Variants in PDE6A observed in about 807,000 individuals in gnomAD.
The protein encoded by PDE6A is rod cGMP-specific 3',5'-cyclic phosphodiesterase subunit alpha.
A neutral mutation model predicts 106.3 loss-of-function variants in PDE6A; 84 were observed. The ratio of observed to expected loss-of-function variants is 0.79; its 90% CI spans 0.66 to 0.95. PDE6A has a LOEUF of 0.95. Among genes scored for constraint, PDE6A ranks in the 40% least tolerant of loss-of-function variants. The pLI is 0.00. For synonymous variants in PDE6A, 394 were observed against 386.6 expected, an observed-to-expected ratio of 1.02 and a Z score of -0.23; for missense variants, 1,052 against 1,084.9, an observed-to-expected ratio of 0.97 and a Z score of 0.43.
rs560932756 is a variant in PDE6A at position 149,859,472 on chromosome 5, G to C, written c.*1423C>G. On this transcript the variant is annotated 3_prime_UTR_variant, in exon 22 of 22. Transcript: ENST00000255266. ...CAGTGCCCTGGGGACCGATGCTTGG[G>C]GAAGGGAAGGAAATAGGAGTGGGCA... is the stretch of plus-strand genomic sequence containing the variant. 1 of 152,418 alleles carries C rather than the reference G, an allele frequency of 6.6e-6. No individual in the cohort carries two copies. The highest frequency in any genetic ancestry group is 2.4e-5 in the African/African-American group (1 of 41,590). The allele number at this position is 152,418 out of a possible 1,614,324, so 9.4% of individuals were successfully genotyped here. A position where few individuals can be genotyped will look rare whatever the true frequency, so the allele number is the denominator to read the frequency against.
At chr5:149,915,031 A>AAT in intron 5 of PDE6A, 24 bp from the exon 6 acceptor site, 24 of 1,155,022 alleles carry the variant, frequency 2.1e-5, no homozygotes, top group Non-Finnish European at 2.7e-5. Flanking sequence ...GAAAAATTAT[A>AAT]CTTTTTTTTT....
chr5:149,941,351 G>A (rs1030462352), intron 1 of PDE6A, among the ~76,000 whole-genome samples: 1 of 152,196 alleles, frequency 6.6e-6, no homozygotes, highest in Admixed American at 6.5e-5. Context: ...TCTGAAGGAT[G>A]AGTAGGAGTT....
chr5:149,913,142 G>A (rs1197016052), intron 6 of PDE6A, among the ~76,000 whole-genome samples: 1 of 152,206 alleles, frequency 6.6e-6, no homozygotes, highest in Non-Finnish European at 1.5e-5. Context: ...AGCACTTTGG[G>A]AGGCCAAGGT....
At chr5:149,871,750 G>A (rs959323952) in intron 17 of PDE6A, among the ~76,000 whole-genome samples, 9 of 152,188 alleles carry the variant, frequency 5.9e-5, no homozygotes, top group South Asian at 4.1e-4. Flanking sequence ...GAAGGGTGAC[G>A]TGGCCACATT....
At chr5:149,929,889 T>C (rs112930857) in intron 4 of PDE6A, among the ~76,000 whole-genome samples, 6 of 152,322 alleles carry the variant, frequency 3.9e-5, no homozygotes, top group African/African-American at 1.4e-4. Flanking sequence ...CTATAATTAA[T>C]GTCCCTTTTC....
Position 149,932,959 on chromosome 5 carries a change from C to A in PDE6A, c.717+971G>T, listed in dbSNP as rs6892017. ...ACCGGCGGAGTGGCCAGCAGAGGGC[C>A]AGGGCAGAAGCGCAAAAGCTAAAGT... On this transcript the variant is annotated intron_variant, in intron 3 of 21. Transcript: ENST00000255266. Among the ~76,000 whole-genome samples the A allele has an allele frequency of 3.4e-4, 52 of 152,282 alleles. 1 individual carries two copies. The highest frequency in any genetic ancestry group is 1.2e-3 in the African/African-American group (51 of 41,568).
In PDE6A at chr5:149,895,262, C is replaced by T; in HGVS notation, c.1649G>A (p.Ser550Asn). 1.9e-6 allele frequency: 3 copies of T among 1,613,926 alleles called. No individual in the cohort carries two copies. The highest frequency in any genetic ancestry group is 2.5e-6 in the Non-Finnish European group (3 of 1,179,826). Residue 550 changes from serine to asparagine, a missense_variant, in exon 13 of 22, where the codon AGT becomes AAT. By Grantham distance (46) the Ser-to-Asn change is conservative. Around this residue, in one of 3 missense-constraint regions of PDE6A, gnomAD observed 913 missense variants for 915.2 expected, o/e 1.00. Transcript: ENST00000255266. ...EALVRFMYSLSKGYRKITYHN... is the reference protein window; with the variant it reads ...EALVRFMYSLNKGYRKITYHN... ...GTAGGTGATCTTGCGGTAGCCCTTA[C>T]TCAGGGAGTACATGAACCGCACCAG...
At chr5:149,880,411 T>C (rs1279387001) in intron 17 of PDE6A, among the ~76,000 whole-genome samples, 1 of 151,994 alleles carries the variant, frequency 6.6e-6, no homozygotes, top group Non-Finnish European at 1.5e-5. Context: ...AGAAAAACAT[T>C]AGGAAAAAAC....
rs1418990553 is a variant in PDE6A, at chr5:149,879,829, T to A, written c.2135+3600A>T. On this transcript the variant is annotated intron_variant, in intron 17 of 21. Coordinates refer to ENST00000255266, the MANE Select transcript of PDE6A (RefSeq NM_000440.3). Reference sequence around the variant, plus strand: ...TTTCCTTAATTCTTCCATGCTTTTTTCGTGCTCTCTTTTCTTTCCCTGGTT... The same window carrying A: ...TTTCCTTAATTCTTCCATGCTTTTTACGTGCTCTCTTTTCTTTCCCTGGTT... Among the ~76,000 whole-genome samples, 3 of 152,308 alleles carry A rather than the reference T, an allele frequency of 2.0e-5. No individual in the cohort carries two copies. The East Asian group carries it at 5.8e-4, about 29-fold the overall frequency.
chr5:149,878,161 A>G (rs1229139828), intron 17 of PDE6A, among the ~76,000 whole-genome samples: 1 of 152,218 alleles, frequency 6.6e-6, no homozygotes, highest in African/African-American at 2.4e-5. Context: ...TACAAAAGAA[A>G]ATGCTGATTC....
In PDE6A at chr5:149,886,306, A is replaced by G; in HGVS notation, c.1797T>C (p.His599=). 6.2e-7 allele frequency: 1 copy of G among 1,614,164 alleles called. No individual in the cohort carries two copies. The highest frequency in any genetic ancestry group is 8.5e-7 in the Non-Finnish European group (1 of 1,180,004). Residue 599 remains histidine, a synonymous_variant, in exon 14 of 22, where the codon CAT becomes CAC. Transcript: ENST00000255266. The part of the protein sequence containing the change: ...ALAMVTAAFC[H]DIDHRGTNNL... The stretch of plus-strand genomic sequence containing the variant: ...TATTGGTGCCTCTGTGGTCAATGTC[A>G]TGGCAGAAAGCAGCAGTGACCATGG...
chr5:149,873,831 C>A (rs1760641700), intron 17 of PDE6A, among the ~76,000 whole-genome samples: 1 of 151,958 alleles, frequency 6.6e-6, no homozygotes, highest in South Asian at 2.1e-4. Context: ...GGAAGTCACA[C>A]CCTCACTCTA....
intron 3 of PDE6A, 59 bp downstream of exon 3, chr5:149,933,871 A>G: frequency 8.0e-7 from 1 of 1,251,784 alleles, no homozygotes; most frequent in Non-Finnish European, 1.2e-6. Context: ...AGTCCTGACC[A>G]CATCAATGCT....
At chr5:149,896,566 T>C in intron 11 of PDE6A, 64 bp from the exon 12 acceptor site, 1 of 1,613,940 alleles carries the variant, frequency 6.2e-7, no homozygotes, top group East Asian at 2.2e-5. Flanking sequence ...CCACCTCCTG[T>C]CCAGCCCTGT....
chr5:149,919,863 C>T (rs768302724), intron 5 of PDE6A, among the ~76,000 whole-genome samples: 15 of 152,174 alleles, frequency 9.9e-5, no homozygotes, highest in Non-Finnish European at 2.1e-4. Context: ...AACATACACA[C>T]ACTATTTTAT....
At chr5:149,904,105 G>C (rs943679397) in intron 7 of PDE6A, among the ~76,000 whole-genome samples, 1 of 152,186 alleles carries the variant, frequency 6.6e-6, no homozygotes, top group African/African-American at 2.4e-5. Context: ...AAGTTAACCA[G>C]CAGTGGTGGC....
intron 4 of PDE6A, among the ~76,000 whole-genome samples, chr5:149,923,895 T>C (rs1174164841): frequency 1.3e-5 from 2 of 152,220 alleles, no homozygotes; most frequent in African/African-American, 4.8e-5. Context: ...CTCATTCCTC[T>C]CATTTGAACA....
intron 1 of PDE6A, among the ~76,000 whole-genome samples, chr5:149,939,495 C>T (rs1754271135): frequency 6.6e-6 from 1 of 152,172 alleles, no homozygotes; most frequent in South Asian, 2.1e-4. Context: ...GGTACAGCAT[C>T]CATCACTTAG....
intron 1 of PDE6A, among the ~76,000 whole-genome samples, chr5:149,936,009 C>G (rs1229706897): frequency 6.6e-6 from 1 of 152,028 alleles, no homozygotes; most frequent in African/African-American, 2.4e-5. Flanking sequence ...AAAAAATTAG[C>G]CAGGTGTGGT....
Sources: gnomAD v4.1 joint callset for allele counts (sites outside exome capture counted in the v4.1 genomes callset) on GRCh38, gnomAD v4.1.1 for gene constraint, gnomAD v4.1.1 regional missense constraint, MANE v1.5 for transcripts, NCBI Gene and HGNC (gene_info 2026-07-23, HGNC 2026-07-21) for gene names.